Variants in PRCC observed in about 807,000 individuals in gnomAD.
PRCC encodes the protein proline-rich protein PRCC.
A neutral mutation model predicts 44.0 loss-of-function variants in PRCC; 10 were observed. That is an observed-to-expected ratio of 0.23 (90% CI 0.14 to 0.39). PRCC has a LOEUF of 0.39. Ranked by LOEUF, PRCC falls within the 10% of genes least tolerant of loss-of-function variation. The probability of loss-of-function intolerance (pLI) is 1.00; values close to 1 mark genes in which losing one functional copy is unlikely to be tolerated. For synonymous variants in PRCC, 278 were observed against 259.5 expected (o/e 1.07, Z -0.69); for missense variants, 573 against 624.7 (o/e 0.92, Z 0.88).
intron 6 of PRCC, among the ~76,000 whole-genome samples, chr1:156,799,017 A>G (rs1249292558): frequency 1.3e-5 from 2 of 152,200 alleles, no homozygotes; most frequent in African/African-American, 4.8e-5. Context: ...TGCAATAGCA[A>G]TAAGAGGTGG....
chr1:156,771,425 T>A (rs1571570846), intron 1 of PRCC, among the ~76,000 whole-genome samples: 1 of 152,094 alleles, frequency 6.6e-6, no homozygotes, highest in Non-Finnish European at 1.5e-5. Context: ...GAGAGGCTGG[T>A]GGCCTGGATG....
chr1:156,779,128 A>ATATATT (rs1651947127), intron 1 of PRCC, among the ~76,000 whole-genome samples: 3 of 35,884 alleles, frequency 8.4e-5, no homozygotes, highest in African/African-American at 1.2e-4. Flanking sequence ...ATATATATAT[A>ATATATT]TTTTTTTTTT....
chr1:156,777,975 T>A (rs1045122656), intron 1 of PRCC, among the ~76,000 whole-genome samples: 2 of 152,238 alleles, frequency 1.3e-5, no homozygotes, highest in Non-Finnish European at 2.9e-5. Context: ...CAAGATGATG[T>A]TAAGATTTAT....
intron 1 of PRCC, among the ~76,000 whole-genome samples, chr1:156,777,775 A>G (rs1651878526): frequency 6.6e-6 from 1 of 152,122 alleles, no homozygotes; most frequent in Admixed American, 6.5e-5. Context: ...GAGACTTCTC[A>G]GGAGTTTCGA....
chr1:156,790,427 A>T (rs1198826987), intron 3 of PRCC, among the ~76,000 whole-genome samples: 1 of 152,242 alleles, frequency 6.6e-6, no homozygotes, highest in Non-Finnish European at 1.5e-5. Context: ...GTTCAAGACC[A>T]GCCTGACCAA....
intron 6 of PRCC, 147 bp downstream of exon 6, chr1:156,797,488 C>T (rs1652696657): frequency 2.4e-6 from 2 of 838,970 alleles, no homozygotes; most frequent in South Asian, 3.3e-5. Flanking sequence ...AGAGCGGCCA[C>T]TAGGAGGGGA....
At chr1:156,782,194 TG>T (rs1462991936) in intron 1 of PRCC, 87 bp from the exon 2 acceptor site, 1 of 1,258,764 alleles carries the variant, frequency 7.9e-7, no homozygotes, top group Non-Finnish European at 1.1e-6. Context: ...TGGCCACTGT[TG>T]TCCAACCCTT....
chr1:156,783,206 G>C (rs1652110329), intron 2 of PRCC, among the ~76,000 whole-genome samples: 1 of 152,108 alleles, frequency 6.6e-6, no homozygotes, highest in Non-Finnish European at 1.5e-5. Context: ...CGCCTGGCCA[G>C]TCTGACTGTT....
At chr1:156,769,382 G>C (rs536660043) in intron 1 of PRCC, among the ~76,000 whole-genome samples, 1 of 151,804 alleles carries the variant, frequency 6.6e-6, no homozygotes, top group African/African-American at 2.4e-5. Flanking sequence ...AACATCATCT[G>C]TCCTCCCACT....
chr1:156,789,470 AG>A (rs1437102603), intron 3 of PRCC, among the ~76,000 whole-genome samples: 1 of 152,196 alleles, frequency 6.6e-6, no homozygotes, highest in Non-Finnish European at 1.5e-5. Flanking sequence ...GATGAGGATA[AG>A]GGAATCTATG....
intron 2 of PRCC, among the ~76,000 whole-genome samples, chr1:156,783,385 G>A (rs759723687): frequency 6.6e-6 from 1 of 152,170 alleles, no homozygotes; most frequent in Non-Finnish European, 1.5e-5. Context: ...CACACTTGGT[G>A]ATTTATACAT....
intron 1 of PRCC, among the ~76,000 whole-genome samples, chr1:156,781,973 A>G (rs932417646): frequency 2.0e-5 from 3 of 152,240 alleles, no homozygotes; most frequent in African/African-American, 7.2e-5. Context: ...CAAGGACCAA[A>G]TGGGAGGAAA....
chr1:156,779,116 ATATATATATATATTTTTTT>A (rs1360705614), intron 1 of PRCC, among the ~76,000 whole-genome samples: 5 of 18,716 alleles, frequency 2.7e-4, no homozygotes, highest in African/African-American at 9.7e-4. Context: ...ATATATATAT[ATATATATATATATTTTTTT>A]TTTTTTTTTT....
In PRCC at chr1:156,786,599, G is replaced by T; in HGVS notation, c.517-9G>T. 1.9e-6 allele frequency: 3 copies of T among 1,602,816 alleles called. No individual in the cohort carries two copies. Among genetic ancestry groups the T allele is most frequent in the South Asian group, 1.1e-5 (1 of 90,498 alleles). On this transcript the variant is annotated splice_polypyrimidine_tract_variant and intron_variant, in intron 2 of 6. Coordinates refer to ENST00000271526, the MANE Select transcript of PRCC (RefSeq NM_005973.5). ...TTCTTTCCTCCTATCCCACACCTGG[G>T]CTCACCAGGGATCCAGTGAGGGGAC...
chr1:156,792,314 GAGAA>G, intron 4 of PRCC, among the ~76,000 whole-genome samples: 1 of 152,202 alleles, frequency 6.6e-6, no homozygotes. Flanking sequence ...CAGCAGGGTA[GAGAA>G]AGAAAGAGGA....
At chr1:156,798,709 A>T (rs1301603182) in intron 6 of PRCC, among the ~76,000 whole-genome samples, 1 of 152,058 alleles carries the variant, frequency 6.6e-6, no homozygotes, top group Non-Finnish European at 1.5e-5. Flanking sequence ...ACAAAAAATT[A>T]GCCAGGCGTG....
chr1:156,782,710 A>G (rs1350215351), intron 2 of PRCC, among the ~76,000 whole-genome samples: 1 of 152,192 alleles, frequency 6.6e-6, no homozygotes, highest in Non-Finnish European at 1.5e-5. Flanking sequence ...GAAAATAAGC[A>G]CTTAAATAGC....
intron 4 of PRCC, among the ~76,000 whole-genome samples, chr1:156,793,771 C>T (rs983559077): frequency 2.0e-5 from 3 of 151,862 alleles, no homozygotes; most frequent in Non-Finnish European, 4.4e-5. Flanking sequence ...GGACCACAGG[C>T]ACTCACCACC....
At chr1:156,769,331 C>T (rs550797879) in intron 1 of PRCC, among the ~76,000 whole-genome samples, 12 of 152,314 alleles carry the variant, frequency 7.9e-5, no homozygotes, top group South Asian at 2.1e-4. Context: ...ATCACCTCCT[C>T]CTCCCCATTG....
Sources: allele counts gnomAD v4.1 joint callset (sites outside exome capture counted in the v4.1 genomes callset), GRCh38; gene constraint gnomAD v4.1.1; transcripts MANE v1.5; gene names NCBI Gene and HGNC (gene_info 2026-07-23, HGNC 2026-07-21).